The following BTD variants were observed in gnomAD, a reference collection of about 807,000 sequenced individuals.
BTD encodes biotinidase, also known as biocytinase.
In BTD, 13 loss-of-function variants were observed where a neutral mutation model predicts 17.7. The observed-to-expected ratio is 0.74, with a 90% CI of 0.48 to 1.17. BTD has a LOEUF of 1.17. Among genes scored for constraint, BTD ranks in the 50% most tolerant of loss-of-function variants. The pLI is 0.00. For missense variants in BTD, 674 were observed against 650.4 expected (o/e 1.04, Z -0.39); for synonymous variants, 240 against 245.2 (o/e 0.98, Z 0.20).
At chr3:15,630,365 C>T (rs2065176226) in intron 1 of BTD, among the ~76,000 whole-genome samples, 1 of 152,208 alleles carries the variant, frequency 6.6e-6, no homozygotes, top group African/African-American at 2.4e-5. Flanking sequence ...GAGAATCAGT[C>T]TCAGCCGGGG....
intron 1 of BTD, among the ~76,000 whole-genome samples, chr3:15,612,554 T>C (rs958658475): frequency 1.3e-5 from 2 of 152,198 alleles, no homozygotes; most frequent in Non-Finnish European, 2.9e-5. Flanking sequence ...TCTTTGAAGA[T>C]CAAGAATTTT....
intron 1 of BTD, among the ~76,000 whole-genome samples, chr3:15,628,973 C>G (rs141026136): frequency 2.1e-3 from 315 of 152,226 alleles, no homozygotes; most frequent in African/African-American, 7.1e-3. Context: ...CAATGGTATT[C>G]CTGCCATAGC....
At chr3:15,705,403 A>C (rs181593931) in intron 3 of BTD, among the ~76,000 whole-genome samples, 1 of 152,118 alleles carries the variant, frequency 6.6e-6, no homozygotes, top group East Asian at 1.9e-4. Context: ...TTTTTGGGGG[A>C]AGGAATGTGG....
At chr3:15,694,560 C>T (rs1330722189) in intron 3 of BTD, among the ~76,000 whole-genome samples, 2 of 145,172 alleles carry the variant, frequency 1.4e-5, no homozygotes, top group Admixed American at 1.4e-4. Context: ...AAAACAAAAA[C>T]AAAAACCCAG....
chr3:15,636,087 C>G (rs540479422), intron 2 of BTD, among the ~76,000 whole-genome samples: 1 of 152,080 alleles, frequency 6.6e-6, no homozygotes, highest in African/African-American at 2.4e-5. Flanking sequence ...CTGGAGAGTC[C>G]GTTGTAATTG....
chr3:15,613,701 C>G (rs1444778850), intron 1 of BTD, among the ~76,000 whole-genome samples: 5 of 151,980 alleles, frequency 3.3e-5, no homozygotes, highest in Non-Finnish European at 7.4e-5. Context: ...GGGGTATAAC[C>G]TTTGTTTTCG....
chr3:15,720,168 T>C (rs2073548109), intron 4 of BTD, among the ~76,000 whole-genome samples: 1 of 152,118 alleles, frequency 6.6e-6, no homozygotes, highest in South Asian at 2.1e-4. Flanking sequence ...CAGCCCAGAA[T>C]TTTCACATAA....
intron 3 of BTD, among the ~76,000 whole-genome samples, chr3:15,687,106 C>A (rs115930109): frequency 0.013 from 1,907 of 151,792 alleles, 38 homozygotes; most frequent in African/African-American, 0.044. Context: ...CCACACCCGG[C>A]GATTTTTTTT....
rs540064119 is a variant in BTD, at chr3:15,649,661, G to C, written c.*4173G>C. Among the ~76,000 whole-genome samples the C allele has an allele frequency of 6.6e-6, 1 of 152,176 alleles. No individual in the cohort carries two copies. The highest frequency in any genetic ancestry group is 2.1e-4 in the South Asian group (1 of 4,832). ...CCTCCAGTGTGCTGAGCACAGTCTGGCCCCTGTACTGTTGTCTGCTTGAAA... is the reference window on the plus strand; with the variant it reads ...CCTCCAGTGTGCTGAGCACAGTCTGCCCCCTGTACTGTTGTCTGCTTGAAA... On this transcript the variant is annotated 3_prime_UTR_variant, in exon 4 of 4. Transcript: ENST00000643237.
chr3:15,618,617 C>T (rs562314072), intron 1 of BTD, among the ~76,000 whole-genome samples: 5 of 152,236 alleles, frequency 3.3e-5, no homozygotes, highest in Admixed American at 3.3e-4. Flanking sequence ...GCTCCACCTC[C>T]CGGGTTCACG....
At chr3:15,705,197 C>T (rs1185853689) in intron 3 of BTD, among the ~76,000 whole-genome samples, 2 of 152,116 alleles carry the variant, frequency 1.3e-5, no homozygotes, top group African/African-American at 4.8e-5. Context: ...TTGCTCAAAA[C>T]CGTTTATATT....
intron 3 of BTD, among the ~76,000 whole-genome samples, chr3:15,666,706 A>T (rs1013087619): frequency 6.6e-6 from 1 of 152,168 alleles, no homozygotes; most frequent in African/African-American, 2.4e-5. Flanking sequence ...TTCCATGCTC[A>T]GGATTGCTAA....
At chr3:15,711,413 T>A in exon 4 of BTD, 1 of 613,268 alleles carries the variant, frequency 1.6e-6, no homozygotes, top group Non-Finnish European at 2.9e-6. Flanking sequence ...AGTGCCTGTT[T>A]AAAAGGCAAT....
chr3:15,672,324 T>G (rs2066457670), intron 3 of BTD, among the ~76,000 whole-genome samples: 1 of 152,046 alleles, frequency 6.6e-6, no homozygotes, highest in Non-Finnish European at 1.5e-5. Context: ...AACTTTTTTG[T>G]AGATACAGGG....
rs548976081 is a variant in BTD at position 15,685,404 on chromosome 3, T to G, written c.400-24656T>G. 1.2e-6 allele frequency: 2 copies of G among 1,613,780 alleles called. No individual in the cohort carries two copies. Among genetic ancestry groups the G allele is most frequent in the African/African-American group, 1.3e-5 (1 of 74,948 alleles). Reference sequence around the variant, plus strand: ...CCCGAAGTAAGCACTTAGCACCATGTTGAAGTAATGCATCTACACATTCTT... The same window carrying G: ...CCCGAAGTAAGCACTTAGCACCATGGTGAAGTAATGCATCTACACATTCTT... On this transcript the variant is annotated intron_variant, in intron 3 of 3. Transcript: ENST00000672141.
In BTD at chr3:15,646,250, T is replaced by G. The variant is rs1380059182; in HGVS notation, c.*762T>G. ...GGAAGGTATGAGTAATAGAATTCTT[T>G]CTGTACGACACAGCTCATCCAGGGA... On this transcript the variant is annotated 3_prime_UTR_variant, in exon 4 of 4. Coordinates refer to ENST00000643237, the MANE Select transcript of BTD (RefSeq NM_001370658.1). 6.6e-6 allele frequency: 1 copy of G among 152,220 alleles called. No homozygotes were observed. The highest frequency in any genetic ancestry group is 1.5e-5 in the Non-Finnish European group (1 of 68,096). The allele number at this position is 152,220 out of a possible 1,614,324, so 9.4% of individuals were successfully genotyped here.
chr3:15,667,829 A>C (rs1481155422), intron 3 of BTD: 1 of 152,256 alleles, frequency 6.6e-6, no homozygotes, highest in Non-Finnish European at 1.5e-5. Context: ...TAAGTGATGC[A>C]GGATAGAAGT....
At position 15,602,048 on chromosome 3, in the gene BTD, G is replaced by A. The variant is rs185118243; in HGVS notation, c.-17+154G>A. 507 of 1,475,108 alleles carry A rather than the reference G, an allele frequency of 3.4e-4. 2 individuals carry two copies. In the African/African-American group the frequency reaches 5.8e-3, roughly 17 times the overall value. The allele number at this position is 1,475,108 out of a possible 1,614,324, so 91.4% of individuals were successfully genotyped here. ...CGCGTCGTTTGCTGGGGCTGTTTGT[G>A]CGTTGCTGCTGTGCTACCGCGTTGC... On this transcript the variant is annotated intron_variant, in intron 1 of 3. Coordinates refer to ENST00000643237, the MANE Select transcript of BTD (RefSeq NM_001370658.1).
At chr3:15,682,805 G>A (rs926247771) in intron 3 of BTD, among the ~76,000 whole-genome samples, 7 of 152,094 alleles carry the variant, frequency 4.6e-5, no homozygotes, top group African/African-American at 1.7e-4. Context: ...CTATAAATAT[G>A]GTATTAATTT....
Sources: gnomAD v4.1 joint callset for allele counts (sites outside exome capture counted in the v4.1 genomes callset) on GRCh38, gnomAD v4.1.1 for gene constraint, MANE v1.5 for transcripts, NCBI Gene and HGNC (gene_info 2026-07-23, HGNC 2026-07-21) for gene names.